The following TRAPPC3L variants were observed in gnomAD, a reference collection of about 807,000 sequenced individuals.
The protein encoded by TRAPPC3L is trafficking protein particle complex subunit 3-like protein.
A neutral mutation model predicts 23.7 loss-of-function variants in TRAPPC3L; 23 were observed. The ratio of observed to expected loss-of-function variants is 0.97; its 90% CI spans 0.70 to 1.37. The LOEUF is 1.37. TRAPPC3L is among the 40% of genes most tolerant of loss of function. The pLI is 0.00. For synonymous variants in TRAPPC3L, 81 were observed against 77.9 expected (o/e 1.04, Z -0.21); for missense variants, 212 against 216.8 (o/e 0.98, Z 0.14).
chr6:116,512,387 A>T, intron 3 of TRAPPC3L: 1 of 921,504 alleles, frequency 1.1e-6, no homozygotes, highest in South Asian at 2.0e-5. Context: ...CTATCTCAGG[A>T]AAAGCTTTTG....
At chr6:116,543,970 G>T in intron 1 of TRAPPC3L, 1 of 1,031,970 alleles carries the variant, frequency 9.7e-7, no homozygotes. Context: ...AATTATAAAT[G>T]AAAACTAAAA....
chr6:116,533,505 T>C (rs998226670), intron 3 of TRAPPC3L, among the ~76,000 whole-genome samples: 10 of 152,174 alleles, frequency 6.6e-5, no homozygotes, highest in Non-Finnish European at 1.5e-4. Flanking sequence ...GCCAGAATAA[T>C]TCCAGCGTGA....
At chr6:116,514,592 A>G (rs1015372199) in intron 3 of TRAPPC3L, among the ~76,000 whole-genome samples, 1 of 152,222 alleles carries the variant, frequency 6.6e-6, no homozygotes, top group African/African-American at 2.4e-5. Flanking sequence ...AAACTGAGAT[A>G]AAAAGAATAC....
At chr6:116,526,187 G>A (rs1268743868) in intron 3 of TRAPPC3L, among the ~76,000 whole-genome samples, 7 of 152,190 alleles carry the variant, frequency 4.6e-5, no homozygotes, top group Non-Finnish European at 8.8e-5. Context: ...CCCAACTAAA[G>A]GTGAGATGGA....
chr6:116,512,569 C>T (rs1772145285), intron 3 of TRAPPC3L, among the ~76,000 whole-genome samples: 1 of 152,176 alleles, frequency 6.6e-6, no homozygotes, highest in African/African-American at 2.4e-5. Context: ...GTGTTAATGG[C>T]AGAGCTGTAA....
chr6:116,519,131 AATGTGTGG>A (rs1772284444), intron 3 of TRAPPC3L: 1 of 152,214 alleles, frequency 6.6e-6, no homozygotes, highest in African/African-American at 2.4e-5. Flanking sequence ...GAGACTTTAA[AATGTGTGG>A]ACCATTAGTT....
intron 3 of TRAPPC3L, among the ~76,000 whole-genome samples, chr6:116,529,754 C>T (rs141367532): frequency 3.3e-4 from 50 of 152,234 alleles, no homozygotes; most frequent in African/African-American, 1.1e-3. Context: ...TCAGTCTCCA[C>T]AATATCAGTG....
At chr6:116,534,283 G>A (rs1447945385) in intron 3 of TRAPPC3L, among the ~76,000 whole-genome samples, 1 of 152,112 alleles carries the variant, frequency 6.6e-6, no homozygotes, top group African/African-American at 2.4e-5. Flanking sequence ...AATCAGATTT[G>A]GACATCCTTG....
At chr6:116,515,941 G>T (rs1772216399) in intron 3 of TRAPPC3L, 1 of 1,612,534 alleles carries the variant, frequency 6.2e-7, no homozygotes, top group Non-Finnish European at 8.5e-7. Flanking sequence ...TTAGCCCTGA[G>T]GATGATGAGA....
At chr6:116,511,918 G>A (rs1181670669) in intron 3 of TRAPPC3L, 1 of 1,614,006 alleles carries the variant, frequency 6.2e-7, no homozygotes. Flanking sequence ...ATAGGTCGTG[G>A]AGACTCTTCA....
chr6:116,542,474 C>A (rs1347678442), intron 2 of TRAPPC3L, among the ~76,000 whole-genome samples: 1 of 152,066 alleles, frequency 6.6e-6, no homozygotes, highest in African/African-American at 2.4e-5. Context: ...AAATGTTAGG[C>A]TAAATTTCCC....
intron 1 of TRAPPC3L, chr6:116,543,966 A>C: frequency 9.6e-7 from 1 of 1,046,108 alleles, no homozygotes; most frequent in Non-Finnish European, 1.4e-6. Flanking sequence ...AGTAAATTAT[A>C]AATGAAAACT....
intron 3 of TRAPPC3L, among the ~76,000 whole-genome samples, chr6:116,530,947 T>A (rs1226722337): frequency 8.3e-6 from 1 of 121,050 alleles, no homozygotes; most frequent in African/African-American, 3.1e-5. Flanking sequence ...ATATATATGT[T>A]ACTAATTTCC....
chr6:116,527,246 G>C (rs996773007), intron 3 of TRAPPC3L, among the ~76,000 whole-genome samples: 2 of 151,966 alleles, frequency 1.3e-5, no homozygotes, highest in African/African-American at 4.8e-5. Flanking sequence ...GGCCCGGCGC[G>C]GTGGCTCACG....
At chr6:116,519,340 G>C (rs1023084231) in intron 3 of TRAPPC3L, 1 of 152,132 alleles carries the variant, frequency 6.6e-6, no homozygotes, top group Non-Finnish European at 1.5e-5. Flanking sequence ...CCTATGGGGG[G>C]GCTCTGGAAT....
chr6:116,511,617 A>C, intron 3 of TRAPPC3L: 1 of 1,323,774 alleles, frequency 7.6e-7, no homozygotes, highest in Non-Finnish European at 1.0e-6. Context: ...CTGATGAAGA[A>C]AGAGCTCCAC....
At chr6:116,534,922 C>T (rs896901267) in intron 3 of TRAPPC3L, among the ~76,000 whole-genome samples, 1 of 152,138 alleles carries the variant, frequency 6.6e-6, no homozygotes, top group Admixed American at 6.5e-5. Flanking sequence ...TCCCTTCTTA[C>T]TGTGACAACA....
intron 3 of TRAPPC3L, 29 bp downstream of exon 3, chr6:116,540,334 C>T (rs1186477917): frequency 1.3e-6 from 2 of 1,540,812 alleles, no homozygotes; most frequent in Non-Finnish European, 1.8e-6. Context: ...TTTTTCAAAA[C>T]ATATTGACAG....
In TRAPPC3L at chr6:116,511,523, T is replaced by C. The variant is rs1004405045; in HGVS notation, c.241-10857A>G. 3.3e-5 allele frequency: 21 copies of C among 630,438 alleles called. No individual in the cohort carries two copies. The African/African-American group carries it at 3.7e-4, about 11-fold the overall frequency. The allele number at this position is 630,438 out of a possible 1,614,324, so 39.1% of individuals were successfully genotyped here. A position where few individuals can be genotyped will look rare whatever the true frequency, so the allele number is the denominator to read the frequency against. ...ATTTCCACCAGTAGGAGGCATTATC[T>C]AAACATGTTGAGAAATATTCATTCC... On this transcript the variant is annotated intron_variant, in intron 3 of 4. Transcript: ENST00000368602.
Sources: gnomAD v4.1 joint callset for allele counts (sites outside exome capture counted in the v4.1 genomes callset) on GRCh38, gnomAD v4.1.1 for gene constraint, MANE v1.5 for transcripts, NCBI Gene and HGNC (gene_info 2026-07-23, HGNC 2026-07-21) for gene names.